RAB3GAP1: variants seen among roughly 807,000 people sequenced by gnomAD.
The protein encoded by RAB3GAP1 is RAB3 GTPase activating protein catalytic subunit 1, also known as rab3 GTPase-activating protein catalytic subunit.
RAB3GAP1 carries 86 observed loss-of-function variants against 130.7 expected under a neutral mutation model. The observed-to-expected ratio is 0.66, with a 90% CI of 0.55 to 0.79. The LOEUF is 0.79. Ranked by LOEUF, RAB3GAP1 falls within the 30% of genes least tolerant of loss-of-function variation. The pLI is 0.00. For missense variants in RAB3GAP1, 1,029 were observed against 1,169.4 expected, an observed-to-expected ratio of 0.88 and a Z score of 1.75; for synonymous variants, 367 against 401.7, an observed-to-expected ratio of 0.91 and a Z score of 1.03.
intron 19 of RAB3GAP1, among the ~76,000 whole-genome samples, chr2:135,160,299 G>C (rs140275960): frequency 7.9e-5 from 12 of 152,276 alleles, no homozygotes; most frequent in African/African-American, 2.9e-4. Flanking sequence ...GATTAGTTGA[G>C]ATTAAAGAGC....
At chr2:135,065,511 T>A (rs1457377097) in intron 3 of RAB3GAP1, among the ~76,000 whole-genome samples, 1 of 152,226 alleles carries the variant, frequency 6.6e-6, no homozygotes, top group Non-Finnish European at 1.5e-5. Context: ...CTCTTCTCAT[T>A]AATATTTTTG....
At chr2:135,083,207 A>G (rs1331490724) in intron 3 of RAB3GAP1, among the ~76,000 whole-genome samples, 2 of 151,896 alleles carry the variant, frequency 1.3e-5, no homozygotes, top group Admixed American at 1.3e-4. Flanking sequence ...TACCACATTT[A>G]TCTTTGACTA....
chr2:135,139,558 A>T (rs766326553), intron 17 of RAB3GAP1, among the ~76,000 whole-genome samples: 56 of 152,164 alleles, frequency 3.7e-4, no homozygotes, highest in South Asian at 6.2e-4. Context: ...AAAAAAAAAA[A>T]AAATAAAAAG....
intron 17 of RAB3GAP1, 108 bp from the exon 18 acceptor site, chr2:135,150,261 A>G: frequency 4.5e-6 from 6 of 1,335,894 alleles, no homozygotes; most frequent in Non-Finnish European, 5.3e-6. Context: ...AAAAATACTC[A>G]TCTTGTGACT....
chr2:135,109,511 T>C (rs1032375286), intron 5 of RAB3GAP1, among the ~76,000 whole-genome samples: 3 of 152,110 alleles, frequency 2.0e-5, no homozygotes, highest in Non-Finnish European at 4.4e-5. Context: ...AAATATGTAA[T>C]TCGTTTGAGT....
intron 3 of RAB3GAP1, among the ~76,000 whole-genome samples, chr2:135,059,525 TGATA>T (rs1475795307): frequency 9.2e-5 from 14 of 152,206 alleles, no homozygotes; most frequent in African/African-American, 2.9e-4. Flanking sequence ...AATTGATATA[TGATA>T]GATGTACATA....
intron 3 of RAB3GAP1, among the ~76,000 whole-genome samples, chr2:135,064,282 C>A (rs1457074495): frequency 1.3e-5 from 2 of 151,902 alleles, no homozygotes; most frequent in African/African-American, 4.8e-5. Flanking sequence ...AATTTTTTTG[C>A]CCCATTCTCT....
At position 135,130,168 on chromosome 2, in the gene RAB3GAP1, G is replaced by T. The variant is rs2104942740; in HGVS notation, c.1066+81G>T. On this transcript the variant is annotated intron_variant, in intron 12 of 23. Transcript: ENST00000264158. Reference sequence around the variant, plus strand: ...CACATTTTTCAGCAACTTTTCATCTGTTTTCTCATTTTGAATTAAGTTGGA... The same window carrying T: ...CACATTTTTCAGCAACTTTTCATCTTTTTTCTCATTTTGAATTAAGTTGGA... 6 of 1,162,948 alleles carry T rather than the reference G, an allele frequency of 5.2e-6. No homozygotes were observed. In the African/African-American group the frequency reaches 7.7e-5, roughly 15 times the overall value. The allele number at this position is 1,162,948 out of a possible 1,614,324, so 72.0% of individuals were successfully genotyped here.
At chr2:135,164,790 C>A in intron 23 of RAB3GAP1, 94 bp downstream of exon 23, 2 of 936,412 alleles carry the variant, frequency 2.1e-6, no homozygotes, top group Non-Finnish European at 1.7e-6. Flanking sequence ...TGATCACACT[C>A]ATGTCACCTG....
chr2:135,106,510 A>G (rs1476622708), intron 5 of RAB3GAP1, among the ~76,000 whole-genome samples: 1 of 152,226 alleles, frequency 6.6e-6, no homozygotes, highest in Admixed American at 6.5e-5. Context: ...AAATGGATTA[A>G]GGGCGGTGCA....
intron 24 of RAB3GAP1, among the ~76,000 whole-genome samples, chr2:135,176,010 T>C (rs1692993935): frequency 6.6e-6 from 1 of 152,188 alleles, no homozygotes; most frequent in African/African-American, 2.4e-5. Flanking sequence ...CACAAAGATG[T>C]CCATTCTCCC....
At chr2:135,068,899 A>G (rs1409971642) in intron 3 of RAB3GAP1, among the ~76,000 whole-genome samples, 1 of 152,224 alleles carries the variant, frequency 6.6e-6, no homozygotes, top group African/African-American at 2.4e-5. Context: ...ACGACGTGCT[A>G]ACTTAAATTT....
intron 3 of RAB3GAP1, among the ~76,000 whole-genome samples, chr2:135,084,300 A>G (rs1316158208): frequency 1.3e-5 from 2 of 152,200 alleles, no homozygotes; most frequent in East Asian, 3.8e-4. Context: ...CAGTTGTAAG[A>G]GTTCTTTATA....
At chr2:135,155,858 G>A (rs747584767) in intron 19 of RAB3GAP1, among the ~76,000 whole-genome samples, 1 of 152,044 alleles carries the variant, frequency 6.6e-6, no homozygotes, top group Non-Finnish European at 1.5e-5. Context: ...AGGAGAGAGT[G>A]TAGAGAACAC....
chr2:135,075,696 C>T (rs1439484597), intron 3 of RAB3GAP1, among the ~76,000 whole-genome samples: 2 of 136,606 alleles, frequency 1.5e-5, no homozygotes, highest in African/African-American at 5.5e-5. Context: ...GTCACTATTT[C>T]CTTCATATGG....
In RAB3GAP1 at chr2:135,126,603, C is replaced by G. The variant is rs1691355445; in HGVS notation, c.920C>G (p.Ala307Gly). The G allele has an allele frequency of 3.7e-6, 6 of 1,612,600 alleles. No individual in the cohort carries two copies. The highest frequency in any genetic ancestry group is 5.1e-6 in the Non-Finnish European group (6 of 1,178,814). Reference sequence around the variant, plus strand: ...TTTAGTGATTTGGATCCTATTCAAGCTCCACATTGGTCTGTTAGAGTTCGA... The same window carrying G: ...TTTAGTGATTTGGATCCTATTCAAGGTCCACATTGGTCTGTTAGAGTTCGA... ...DVYSDLDPIQ[A>G]PHWSVRVRKA... Residue 307 changes from alanine to glycine, a missense_variant, in exon 11 of 24, where the codon GCT (alanine) becomes GGT (glycine). Physicochemically the swap from Ala to Gly is moderately conservative, Grantham distance 60. Around this residue, in one of 3 missense-constraint regions of RAB3GAP1, gnomAD observed 510 missense variants for 532.1 expected, o/e 0.96. Transcript: ENST00000264158.
chr2:135,161,332 A>G (rs1460942259), intron 19 of RAB3GAP1, among the ~76,000 whole-genome samples: 1 of 152,192 alleles, frequency 6.6e-6, no homozygotes, highest in Non-Finnish European at 1.5e-5. Flanking sequence ...TTAATACAGC[A>G]GTGAAAATGA....
At chr2:135,119,070 T>TCCTC (rs60770587) in intron 7 of RAB3GAP1, among the ~76,000 whole-genome samples, 5,635 of 137,844 alleles carry the variant, frequency 0.041, 249 homozygotes, top group African/African-American at 0.11. Context: ...CTTCCTTCCT[T>TCCTC]CCTCCCTCCC....
intron 7 of RAB3GAP1, among the ~76,000 whole-genome samples, chr2:135,120,546 T>C (rs1456567298): frequency 6.6e-6 from 1 of 152,234 alleles, no homozygotes; most frequent in African/African-American, 2.4e-5. Flanking sequence ...CTTGAGCTTT[T>C]GGACTGTGAG....
Sources: allele counts gnomAD v4.1 joint callset (sites outside exome capture counted in the v4.1 genomes callset), GRCh38; gene constraint gnomAD v4.1.1; regional missense constraint gnomAD v4.1.1; transcripts MANE v1.5; gene names NCBI Gene and HGNC (gene_info 2026-07-23, HGNC 2026-07-21).